RORB: variants seen among roughly 807,000 people sequenced by gnomAD.
The protein encoded by RORB is RAR related orphan receptor B, also known as nuclear receptor ROR-beta.
RORB carries 6 observed loss-of-function variants against 59.1 expected under a neutral mutation model. The observed-to-expected ratio is 0.10, with a 90% CI of 0.06 to 0.20. The LOEUF (loss-of-function observed/expected upper bound fraction) is 0.20. Among genes scored for constraint, RORB ranks in the 10% least tolerant of loss-of-function variants. RORB has a pLI of 1.00. For missense variants in RORB, 320 were observed against 560.5 expected (o/e 0.57, Z 4.33); for synonymous variants, 215 against 204.5 (o/e 1.05, Z -0.44).
chr9:74,633,033 G>C (rs1163777696), intron 2 of RORB, among the ~76,000 whole-genome samples: 1 of 152,142 alleles, frequency 6.6e-6, no homozygotes, highest in African/African-American at 2.4e-5. Context: ...CTCTCTCTCT[G>C]AGGAGATGCT....
intron 1 of RORB, among the ~76,000 whole-genome samples, chr9:74,582,534 G>A (rs1051146994): frequency 2.0e-5 from 3 of 152,210 alleles, no homozygotes; most frequent in African/African-American, 7.2e-5. Flanking sequence ...ACCCTTCACA[G>A]TGTTGTTTTG....
Position 74,593,531 on chromosome 9 carries a change from T to C in RORB, c.8-36751T>C, listed in dbSNP as rs147266191. Among the ~76,000 whole-genome samples, 1,222 of 151,754 alleles carry C rather than the reference T, an allele frequency of 8.1e-3. 10 individuals are homozygous for C. Among genetic ancestry groups the C allele is most frequent in the Non-Finnish European group, 0.013 (887 of 67,918 alleles). On this transcript the variant is annotated intron_variant, in intron 1 of 9. Coordinates refer to ENST00000376896, the MANE Select transcript of RORB (RefSeq NM_006914.4). ...TAAATAACCAAAATAGGTAGCAAAG[T>C]TCATTCCTAAAGCTTATCACTCTTC...
intron 8 of RORB, among the ~76,000 whole-genome samples, chr9:74,669,479 CAA>C (rs35519349): frequency 0.017 from 1,785 of 103,408 alleles, 21 homozygotes; most frequent in Middle Eastern, 0.059. Flanking sequence ...AACTCTGTCT[CAA>C]AAAAAAAAAA....
intron 1 of RORB, among the ~76,000 whole-genome samples, chr9:74,549,625 GAAGA>G (rs1424627068): frequency 6.3e-5 from 7 of 110,952 alleles, no homozygotes; most frequent in East Asian, 4.5e-4. Context: ...AGGAAGGAAG[GAAGA>G]AAGGAAAGAA....
rs1824624872 is a variant in RORB at position 74,685,472 on chromosome 9, A to G, written c.1234A>G (p.Lys412Glu). The change falls in exon 10 of 10, where the codon AAG becomes GAG. Residue 412 changes from lysine to glutamate, a missense_variant. By Grantham distance (56) the Lys-to-Glu change is moderately conservative. Around this residue, in one of 4 missense-constraint regions of RORB, gnomAD observed 109 missense variants for 171.0 expected, o/e 0.64. Transcript: ENST00000376896. Reference protein sequence around the residue: ...DDETLAKLIAKIPTITAVCNL... With the variant: ...DDETLAKLIAEIPTITAVCNL... ...TCTCTCCGTTCTGCAGTTAATAGCC[A>G]AGATACCAACCATCACGGCAGTTTG... 4.3e-6 allele frequency: 7 copies of G among 1,610,558 alleles called. No homozygotes were observed. In the East Asian group the frequency reaches 1.6e-4, roughly 36 times the overall value.
rs867526661 is a variant in RORB, at chr9:74,613,095, T to C, written c.8-17187T>C. ...TAATAAATATTGAAAGAATGAATGA[T>C]AACCAGAGTCAACAGCCAAAATGCA... On this transcript the variant is annotated intron_variant, in intron 1 of 9. Transcript: ENST00000376896. 2.0e-5 allele frequency among the ~76,000 whole-genome samples: 3 copies of C among 152,240 alleles called. No homozygotes were observed. In the Middle Eastern group the frequency reaches 0.01, roughly 518 times the overall value.
chr9:74,675,115 T>C (rs1227309637), intron 9 of RORB, among the ~76,000 whole-genome samples: 3 of 152,164 alleles, frequency 2.0e-5, no homozygotes, highest in South Asian at 4.1e-4. Context: ...ATGAAAACCA[T>C]TTCAAAAGAT....
At position 74,689,144 on chromosome 9, in the gene RORB, C is replaced by G. The variant is rs1012076642; in HGVS notation, c.*3526C>G. On this transcript the variant is annotated 3_prime_UTR_variant, in exon 10 of 10. Coordinates refer to ENST00000376896, the MANE Select transcript of RORB (RefSeq NM_006914.4). ...GACAGATCTTGTTCAACATGTTGCT[C>G]AGGCTGGAGTGCAGTGGCATGAGAT... 2.6e-5 allele frequency: 4 copies of G among 152,342 alleles called. No homozygotes were observed. The highest frequency in any genetic ancestry group is 9.7e-5 in the African/African-American group (4 of 41,446). 9.4% of individuals were successfully genotyped at this position (152,342 alleles called of 1,614,324 possible). A position where few individuals can be genotyped will look rare whatever the true frequency, so the allele number is the denominator to read the frequency against.
At chr9:74,588,569 T>C (rs1822841548) in intron 1 of RORB, among the ~76,000 whole-genome samples, 1 of 152,230 alleles carries the variant, frequency 6.6e-6, no homozygotes. Flanking sequence ...TTATTATAGA[T>C]CATCATTCAT....
rs539883864 is a variant in RORB, at chr9:74,686,357, C to A, written c.*739C>A. On this transcript the variant is annotated 3_prime_UTR_variant, in exon 10 of 10. Coordinates refer to ENST00000376896, the MANE Select transcript of RORB (RefSeq NM_006914.4). ...AAACATAATGTGTGGCCTCTATATA[C>A]AAACTCTATTTCTGTCAATGACATC... is the stretch of plus-strand genomic sequence containing the variant. 1 of 152,614 alleles carries A rather than the reference C, an allele frequency of 6.6e-6. No individual in the cohort carries two copies. Among genetic ancestry groups the A allele is most frequent in the Non-Finnish European group, 1.5e-5 (1 of 68,030 alleles). The allele number at this position is 152,614 out of a possible 1,614,324, so 9.5% of individuals were successfully genotyped here. A position where few individuals can be genotyped will look rare whatever the true frequency, so the allele number is the denominator to read the frequency against.
intron 1 of RORB, among the ~76,000 whole-genome samples, chr9:74,621,289 G>A (rs1823413204): frequency 6.6e-6 from 1 of 151,792 alleles, no homozygotes; most frequent in Non-Finnish European, 1.5e-5. Context: ...CAAACCCATG[G>A]CAACTAATGA....
intron 1 of RORB, among the ~76,000 whole-genome samples, chr9:74,505,172 A>G (rs1825853651): frequency 6.6e-6 from 1 of 152,140 alleles, no homozygotes; most frequent in African/African-American, 2.4e-5. Context: ...ATTTAATTTT[A>G]ATTTTCTGAC....
intron 1 of RORB, among the ~76,000 whole-genome samples, chr9:74,522,299 T>C (rs1208001619): frequency 2.0e-5 from 3 of 151,756 alleles, no homozygotes; most frequent in Admixed American, 6.6e-5. Flanking sequence ...AAATGCCCAT[T>C]ATTTGATGCA....
intron 1 of RORB, among the ~76,000 whole-genome samples, chr9:74,522,023 T>G (rs879813093): frequency 6.6e-6 from 1 of 151,822 alleles, no homozygotes; most frequent in Non-Finnish European, 1.5e-5. Flanking sequence ...TGTTTTCTGT[T>G]GTCACACCAC....
chr9:74,580,415 G>A (rs1027244716), intron 1 of RORB, among the ~76,000 whole-genome samples: 8 of 152,210 alleles, frequency 5.3e-5, no homozygotes, highest in African/African-American at 1.4e-4. Flanking sequence ...TATTCTAATA[G>A]ATCTTGTTCC....
At chr9:74,596,418 G>C (rs1294733188) in intron 1 of RORB, among the ~76,000 whole-genome samples, 1 of 152,186 alleles carries the variant, frequency 6.6e-6, no homozygotes, top group Non-Finnish European at 1.5e-5. Context: ...AACACCTTGT[G>C]CAATCTCTAA....
At chr9:74,554,531 G>C (rs891234738) in intron 1 of RORB, among the ~76,000 whole-genome samples, 4 of 151,016 alleles carry the variant, frequency 2.6e-5, no homozygotes, top group African/African-American at 7.3e-5. Context: ...AGGGAGTGTA[G>C]AACAACCCAA....
intron 2 of RORB, among the ~76,000 whole-genome samples, chr9:74,632,814 TC>T (rs1373190818): frequency 6.6e-6 from 1 of 152,154 alleles, no homozygotes; most frequent in Non-Finnish European, 1.5e-5. Context: ...AGGTTATGCT[TC>T]CTGACAGTTT....
intron 1 of RORB, among the ~76,000 whole-genome samples, chr9:74,521,816 T>C (rs1239474686): frequency 6.6e-6 from 1 of 151,842 alleles, no homozygotes; most frequent in East Asian, 1.9e-4. Context: ...AATTGAACCA[T>C]ACCTTGTTTC....
Sources: gnomAD v4.1 joint callset for allele counts (sites outside exome capture counted in the v4.1 genomes callset) on GRCh38, gnomAD v4.1.1 for gene constraint, gnomAD v4.1.1 regional missense constraint, MANE v1.5 for transcripts, NCBI Gene and HGNC (gene_info 2026-07-23, HGNC 2026-07-21) for gene names.